FRMD4B: variants seen among roughly 807,000 people sequenced by gnomAD.
The protein encoded by FRMD4B is FERM domain containing 4B.
FRMD4B carries 74 observed loss-of-function variants against 141.5 expected under a neutral mutation model. That is an observed-to-expected ratio of 0.52 (90% confidence interval 0.43 to 0.63). The LOEUF (loss-of-function observed/expected upper bound fraction) is 0.63, where lower values mean the gene tolerates loss of function less well. FRMD4B is among the 30% of genes least tolerant of loss of function. The probability of loss-of-function intolerance (pLI) is 0.00; values close to 1 mark genes in which losing one functional copy is unlikely to be tolerated. For synonymous variants in FRMD4B, 506 were observed against 467.9 expected (o/e 1.08, Z -1.05); for missense variants, 1,366 against 1,253.4 (o/e 1.09, Z -1.36).
chr3:69,330,310 G>T, intron 1 of FRMD4B, among the ~76,000 whole-genome samples: 1 of 130,988 alleles, frequency 7.6e-6, no homozygotes, highest in African/African-American at 2.9e-5. Context: ...TATATTCAAG[G>T]TATACAACAT....
intron 1 of FRMD4B, among the ~76,000 whole-genome samples, chr3:69,370,671 G>A (rs1262747388): frequency 6.6e-6 from 1 of 152,222 alleles, no homozygotes; most frequent in Non-Finnish European, 1.5e-5. Context: ...AAGCTTCACG[G>A]AATGCAAACG....
At chr3:69,428,647 A>C (rs936180055) in intron 2 of FRMD4B, among the ~76,000 whole-genome samples, 1 of 152,152 alleles carries the variant, frequency 6.6e-6, no homozygotes, top group Non-Finnish European at 1.5e-5. Context: ...AAAAACCAGG[A>C]AAGTTTTCCT....
chr3:69,363,076 C>G (rs1258673695), intron 1 of FRMD4B, among the ~76,000 whole-genome samples: 1 of 151,814 alleles, frequency 6.6e-6, no homozygotes, highest in African/African-American at 2.4e-5. Context: ...AGGGCAGTGC[C>G]AAGGTTGGTG....
chr3:69,193,957 A>G, intron 16 of FRMD4B, 84 bp from the exon 17 acceptor site: 1 of 811,870 alleles, frequency 1.2e-6, no homozygotes, highest in African/African-American at 1.7e-5. Context: ...CTTCCTGTGC[A>G]CTTTCTTGAA....
chr3:69,365,917 C>T (rs1211689105), intron 1 of FRMD4B, among the ~76,000 whole-genome samples: 5 of 151,972 alleles, frequency 3.3e-5, no homozygotes, highest in African/African-American at 4.8e-5. Context: ...GTAGCATTGT[C>T]TTAGTAAAAA....
chr3:69,473,627 T>A (rs758998461), intron 1 of FRMD4B, among the ~76,000 whole-genome samples: 8 of 152,166 alleles, frequency 5.3e-5, no homozygotes, highest in Non-Finnish European at 8.8e-5. Flanking sequence ...CATCCTTAGG[T>A]TTTTGTGTCC....
At chr3:69,206,458 T>C (rs1248630634) in intron 11 of FRMD4B, among the ~76,000 whole-genome samples, 2 of 152,324 alleles carry the variant, frequency 1.3e-5, no homozygotes, top group Non-Finnish European at 2.9e-5. Flanking sequence ...TATTGGGAAA[T>C]GTATAACGTA....
rs375784845 is a variant in FRMD4B, at chr3:69,257,882, A to C, written c.502-7783T>G. Among the ~76,000 whole-genome samples the C allele has an allele frequency of 4.4e-4, 67 of 152,308 alleles. 2 individuals are homozygous for C. Among genetic ancestry groups the C allele is most frequent in the African/African-American group, 1.5e-3 (63 of 41,568 alleles). On this transcript the variant is annotated intron_variant, in intron 5 of 22. Transcript: ENST00000398540. The stretch of plus-strand genomic sequence containing the variant: ...CACTCTGTCACCCAGGCTGGAGTGC[A>C]ATGGTGCGATCTCAGCTCACTGCAG...
intron 14 of FRMD4B, 125 bp from the exon 15 acceptor site, chr3:69,195,489 T>G (rs1379824192): frequency 1.2e-5 from 9 of 740,254 alleles, no homozygotes; most frequent in Non-Finnish European, 1.7e-5. Context: ...TCCTTGTTTC[T>G]CAACATAATA....
At chr3:69,298,023 G>C (rs1372236419) in intron 4 of FRMD4B, among the ~76,000 whole-genome samples, 1 of 152,156 alleles carries the variant, frequency 6.6e-6, no homozygotes, top group African/African-American at 2.4e-5. Flanking sequence ...ATATGTTTCT[G>C]AGCTGCTCCC....
chr3:69,273,729 G>T (rs2093605544), intron 5 of FRMD4B, among the ~76,000 whole-genome samples: 1 of 152,160 alleles, frequency 6.6e-6, no homozygotes, highest in Non-Finnish European at 1.5e-5. Flanking sequence ...TATAGTGCAT[G>T]CCAGGTTCTG....
chr3:69,342,605 T>C (rs1702775541), intron 1 of FRMD4B, among the ~76,000 whole-genome samples: 1 of 152,220 alleles, frequency 6.6e-6, no homozygotes, highest in Non-Finnish European at 1.5e-5. Flanking sequence ...TATTAGGTAC[T>C]TCAGTGCCAG....
At chr3:69,215,608 T>G (rs1274841340) in intron 11 of FRMD4B, among the ~76,000 whole-genome samples, 3 of 151,930 alleles carry the variant, frequency 2.0e-5, no homozygotes, top group African/African-American at 7.3e-5. Context: ...CTTTCATAAA[T>G]AGCACACAAC....
intron 1 of FRMD4B, among the ~76,000 whole-genome samples, chr3:69,481,369 T>A (rs1312196504): frequency 6.6e-6 from 1 of 152,144 alleles, no homozygotes. Context: ...TCCTCTTATA[T>A]TTTTTCTTTG....
intron 1 of FRMD4B, among the ~76,000 whole-genome samples, chr3:69,506,244 C>T (rs184581594): frequency 6.6e-5 from 10 of 152,070 alleles, no homozygotes; most frequent in South Asian, 4.1e-4. Flanking sequence ...CAGAACAACA[C>T]GCATTTATGT....
At chr3:69,460,439 G>A (rs959359290) in intron 1 of FRMD4B, among the ~76,000 whole-genome samples, 4 of 152,146 alleles carry the variant, frequency 2.6e-5, no homozygotes, top group Non-Finnish European at 5.9e-5. Flanking sequence ...TAGCAAGGCT[G>A]GGCAAGTCAC....
intron 1 of FRMD4B, among the ~76,000 whole-genome samples, chr3:69,492,571 G>C (rs893116332): frequency 6.6e-6 from 1 of 152,108 alleles, no homozygotes; most frequent in South Asian, 2.1e-4. Flanking sequence ...GAGGAATTGA[G>C]GGACCTTGCT....
intron 18 of FRMD4B, 49 bp from the exon 19 acceptor site, chr3:69,187,966 G>C (rs929404656): frequency 1.5e-5 from 15 of 1,016,536 alleles, no homozygotes; most frequent in African/African-American, 3.2e-5. Context: ...CAAATTAATA[G>C]GTAAATAAAT....
At chr3:69,368,899 A>T (rs967884505) in intron 1 of FRMD4B, among the ~76,000 whole-genome samples, 2 of 152,160 alleles carry the variant, frequency 1.3e-5, no homozygotes, top group Non-Finnish European at 2.9e-5. Context: ...GGGCTCAAGC[A>T]ATTCTCTCAC....
Sources: allele counts gnomAD v4.1 joint callset (sites outside exome capture counted in the v4.1 genomes callset), GRCh38; gene constraint gnomAD v4.1.1; transcripts MANE v1.5; gene names NCBI Gene and HGNC (gene_info 2026-07-23, HGNC 2026-07-21).